Variants in DLGAP2 observed in about 807,000 individuals in gnomAD.
DLGAP2 encodes the protein DLG associated protein 2.
In DLGAP2, 26 loss-of-function variants were observed where a neutral mutation model predicts 100.3. The ratio of observed to expected loss-of-function variants is 0.26; its 90% confidence interval spans 0.19 to 0.36. The LOEUF (loss-of-function observed/expected upper bound fraction) is 0.36, where lower values mean the gene tolerates loss of function less well. Ranked by LOEUF, DLGAP2 falls within the 10% of genes least tolerant of loss-of-function variation. The pLI, the probability that DLGAP2 is intolerant of heterozygous loss-of-function variation, is 1.00. For synonymous variants in DLGAP2, 886 were observed against 630.1 expected, an observed-to-expected ratio of 1.41 and a Z score of -6.08; for missense variants, 1,858 against 1,453.2, an observed-to-expected ratio of 1.28 and a Z score of -4.53.
At chr8:1,468,150 C>G in intron 3 of DLGAP2, among the ~76,000 whole-genome samples, 1 of 152,092 alleles carries the variant, frequency 6.6e-6, no homozygotes. Flanking sequence ...CCCTGAGTCC[C>G]CAGCAGCCTC....
chr8:1,542,894 C>T (rs1402897006), intron 4 of DLGAP2, among the ~76,000 whole-genome samples: 2 of 152,100 alleles, frequency 1.3e-5, no homozygotes, highest in African/African-American at 4.8e-5. Context: ...TGTCCTTTTC[C>T]CTCTGTCCAC....
chr8:1,266,747 G>A (rs762113162), intron 3 of DLGAP2, among the ~76,000 whole-genome samples: 64 of 152,072 alleles, frequency 4.2e-4, no homozygotes, highest in Non-Finnish European at 8.5e-4. Flanking sequence ...TGCAGACCCA[G>A]TGTGTGTATA....
intron 5 of DLGAP2, among the ~76,000 whole-genome samples, chr8:1,554,055 A>G (rs1389013435): frequency 6.6e-6 from 1 of 152,212 alleles, no homozygotes; most frequent in Non-Finnish European, 1.5e-5. Flanking sequence ...TGGGAGGCCA[A>G]CGCAGGTGGA....
chr8:750,321 C>A (rs939908803), intron 1 of DLGAP2, among the ~76,000 whole-genome samples: 4 of 152,132 alleles, frequency 2.6e-5, no homozygotes, highest in Non-Finnish European at 2.9e-5. Flanking sequence ...GGGAGGACGT[C>A]ACAGGAAAAG....
rs374839367 is a variant in DLGAP2 at position 1,332,416 on chromosome 8, CGT to C, written c.106+73538_106+73539del. On this transcript the variant is annotated intron_variant, in intron 3 of 14. Coordinates refer to ENST00000637795, the MANE Select transcript of DLGAP2 (RefSeq NM_001346810.2). ...GTGTGTCTGCATGTGTGAGTATATG[CGT>C]GTGTCAGTGTATATATGTCTGTGTA... Among the ~76,000 whole-genome samples, 74 of 151,862 alleles carry C rather than the reference CGT, an allele frequency of 4.9e-4. 1 individual carries two copies. Among genetic ancestry groups the C allele is most frequent in the African/African-American group, 1.4e-3 (59 of 41,364 alleles).
intron 3 of DLGAP2, among the ~76,000 whole-genome samples, chr8:1,445,834 T>C (rs1797971234): frequency 6.6e-6 from 1 of 152,240 alleles, no homozygotes; most frequent in Admixed American, 6.5e-5. Flanking sequence ...ATTTCTCTGA[T>C]GGCCAGTGAT....
At chr8:1,646,659 TG>T (rs1366976295) in intron 8 of DLGAP2, among the ~76,000 whole-genome samples, 1 of 152,146 alleles carries the variant, frequency 6.6e-6, no homozygotes, top group Non-Finnish European at 1.5e-5. Flanking sequence ...GTTGGGGGAA[TG>T]TTCATTAAAA....
In DLGAP2 at chr8:1,211,621, A is replaced by C. The variant is rs185368494; in HGVS notation, c.74-47230A>C. Among the ~76,000 whole-genome samples, 8 of 152,310 alleles carry C rather than the reference A, an allele frequency of 5.3e-5. No individual in the cohort carries two copies. The East Asian group carries it at 1.5e-3, about 29-fold the overall frequency. The stretch of plus-strand genomic sequence containing the variant: ...CCAGGCACAGTGGCACACGCCTGTA[A>C]TCCCAGCACTTTGGGAGGCCAAGGT... On this transcript the variant is annotated intron_variant, in intron 2 of 14. Coordinates refer to ENST00000637795, the MANE Select transcript of DLGAP2 (RefSeq NM_001346810.2).
At chr8:1,465,042 G>A (rs74933945) in intron 3 of DLGAP2, among the ~76,000 whole-genome samples, 3,176 of 152,350 alleles carry the variant, frequency 0.021, 70 homozygotes, top group Middle Eastern at 0.054. Context: ...CCACCCAGCA[G>A]GTGACCAGCT....
At chr8:937,908 T>TG (rs1799107849) in intron 2 of DLGAP2, among the ~76,000 whole-genome samples, 1 of 151,990 alleles carries the variant, frequency 6.6e-6, no homozygotes, top group African/African-American at 2.4e-5. Context: ...GTGCCTGGGG[T>TG]AGGGGGACAG....
At chr8:859,151 G>A (rs1053060324) in intron 1 of DLGAP2, among the ~76,000 whole-genome samples, 8 of 145,290 alleles carry the variant, frequency 5.5e-5, no homozygotes, top group Non-Finnish European at 1.0e-4. Flanking sequence ...TCGCTCTATT[G>A]CCCAGGCTGG....
intron 3 of DLGAP2, among the ~76,000 whole-genome samples, chr8:1,272,690 T>A (rs1799607318): frequency 1.3e-5 from 2 of 152,048 alleles, no homozygotes; most frequent in African/African-American, 4.8e-5. Context: ...CAGGACCCTA[T>A]GGGAAGGCCA....
At chr8:825,105 C>A (rs1796662270) in intron 1 of DLGAP2, among the ~76,000 whole-genome samples, 1 of 152,184 alleles carries the variant, frequency 6.6e-6, no homozygotes, top group South Asian at 2.1e-4. Context: ...TCACTGCAGA[C>A]CCTGCCAGAG....
intron 8 of DLGAP2, among the ~76,000 whole-genome samples, chr8:1,662,259 T>A (rs1315550744): frequency 2.6e-5 from 4 of 152,274 alleles, no homozygotes; most frequent in Non-Finnish European, 4.4e-5. Context: ...TATAATCTCC[T>A]CTTACTCTGG....
Position 1,007,261 on chromosome 8 carries a change from G to A in DLGAP2, c.73+99295G>A, listed in dbSNP as rs1203470107. ...CCACACTCTTCACGTGTCTGCACGG[G>A]TTGTCTCTGTGACTGCTGTGATTTC... is the stretch of plus-strand genomic sequence containing the variant. On this transcript the variant is annotated intron_variant, in intron 2 of 14. Transcript: ENST00000637795. Among the ~76,000 whole-genome samples the A allele has an allele frequency of 2.6e-5, 4 of 152,204 alleles. No individual in the cohort carries two copies. The East Asian group carries it at 5.8e-4, about 22-fold the overall frequency.
intron 3 of DLGAP2, among the ~76,000 whole-genome samples, chr8:1,290,892 A>G (rs1485992235): frequency 6.6e-6 from 1 of 152,196 alleles, no homozygotes; most frequent in Admixed American, 6.5e-5. Context: ...GAAATTTACT[A>G]CTGAACTATT....
intron 3 of DLGAP2, chr8:1,296,987 A>T (rs1800194960): frequency 6.6e-6 from 1 of 152,296 alleles, no homozygotes; most frequent in Admixed American, 6.5e-5. Context: ...GGAACTGGAG[A>T]CCTCAGGGCC....
intron 2 of DLGAP2, among the ~76,000 whole-genome samples, chr8:1,227,883 A>T (rs1331737469): frequency 6.6e-6 from 1 of 152,242 alleles, no homozygotes; most frequent in Non-Finnish European, 1.5e-5. Flanking sequence ...ATTTATTGCT[A>T]AATTAGTACG....
At chr8:1,445,008 G>T (rs1428926768) in intron 3 of DLGAP2, among the ~76,000 whole-genome samples, 6 of 150,416 alleles carry the variant, frequency 4.0e-5, no homozygotes, top group Non-Finnish European at 8.9e-5. Context: ...TTGACCTTGT[G>T]ATCCACCCAC....
Sources: allele counts gnomAD v4.1 joint callset (sites outside exome capture counted in the v4.1 genomes callset), GRCh38; gene constraint gnomAD v4.1.1; transcripts MANE v1.5; gene names NCBI Gene and HGNC (gene_info 2026-07-23, HGNC 2026-07-21).